Variants in KCNIP1 observed in about 807,000 individuals in gnomAD.
The protein encoded by KCNIP1 is potassium voltage-gated channel interacting protein 1.
In KCNIP1, 18 loss-of-function variants were observed where a neutral mutation model predicts 33.0. The ratio of observed to expected loss-of-function variants is 0.55; its 90% CI spans 0.38 to 0.81. The LOEUF is 0.81. Ranked by LOEUF, KCNIP1 falls within the 30% of genes least tolerant of loss-of-function variation. KCNIP1 has a pLI of 0.00. For synonymous variants in KCNIP1, 93 were observed against 98.3 expected (o/e 0.95, Z 0.32); for missense variants, 238 against 271.6 (o/e 0.88, Z 0.87).
At chr5:170,638,166 C>T (rs1760371940) in intron 1 of KCNIP1, among the ~76,000 whole-genome samples, 1 of 152,116 alleles carries the variant, frequency 6.6e-6, no homozygotes, top group Admixed American at 6.5e-5. Context: ...CCACCTCTGA[C>T]CTTAGCCCAA....
intron 1 of KCNIP1, among the ~76,000 whole-genome samples, chr5:170,681,916 C>G (rs1228206390): frequency 6.6e-6 from 1 of 152,170 alleles, no homozygotes; most frequent in African/African-American, 2.4e-5. Flanking sequence ...TAAAATTAGG[C>G]TCCAGGAAAG....
intron 1 of KCNIP1, among the ~76,000 whole-genome samples, chr5:170,552,023 ATGTG>A (rs35576706): frequency 2.0e-5 from 3 of 148,638 alleles, no homozygotes; most frequent in Non-Finnish European, 4.5e-5. Flanking sequence ...GTGAGAGAGA[ATGTG>A]TGTGTGTGTG....
intron 1 of KCNIP1, among the ~76,000 whole-genome samples, chr5:170,637,724 C>T (rs1019896788): frequency 6.6e-6 from 1 of 152,112 alleles, no homozygotes. Context: ...CTTCCCTGCC[C>T]TCCTGCTCCT....
chr5:170,406,832 C>A (rs760092471), intron 1 of KCNIP1, among the ~76,000 whole-genome samples: 3 of 152,190 alleles, frequency 2.0e-5, no homozygotes, highest in Non-Finnish European at 4.4e-5. Flanking sequence ...GGTCCAAGGC[C>A]AGGCAGGAGG....
intron 1 of KCNIP1, among the ~76,000 whole-genome samples, chr5:170,587,157 C>T (rs1451504670): frequency 6.6e-6 from 1 of 152,150 alleles, no homozygotes; most frequent in South Asian, 2.1e-4. Context: ...TGCAGTGGCT[C>T]ATGCCTGTAA....
At chr5:170,432,267 T>C (rs917237039) in intron 1 of KCNIP1, among the ~76,000 whole-genome samples, 4 of 152,228 alleles carry the variant, frequency 2.6e-5, no homozygotes, top group African/African-American at 9.6e-5. Flanking sequence ...TATCAACCCC[T>C]GCCCCTGCAG....
chr5:170,354,446 C>T (rs574749649), intron 1 of KCNIP1, among the ~76,000 whole-genome samples: 2 of 152,330 alleles, frequency 1.3e-5, no homozygotes, highest in South Asian at 4.1e-4. Context: ...ACCGGATCAG[C>T]TCTGCACCTC....
At chr5:170,598,904 C>CGCGTGTGTGTGTGT (rs1412098474) in intron 1 of KCNIP1, among the ~76,000 whole-genome samples, 1 of 133,776 alleles carries the variant, frequency 7.5e-6, no homozygotes, top group African/African-American at 2.9e-5. Context: ...TGTGTGTGCG[C>CGCGTGTGTGTGTGT]GTGTGTGTGT....
At chr5:170,367,805 A>C (rs1237903028) in intron 1 of KCNIP1, among the ~76,000 whole-genome samples, 1 of 152,178 alleles carries the variant, frequency 6.6e-6, no homozygotes, top group Non-Finnish European at 1.5e-5. Flanking sequence ...TGACTCCTCC[A>C]CACCATTCCA....
intron 1 of KCNIP1, among the ~76,000 whole-genome samples, chr5:170,591,098 A>G (rs114716679): frequency 0.011 from 1,627 of 152,320 alleles, 26 homozygotes; most frequent in African/African-American, 0.037. Flanking sequence ...ATGTGCAGAG[A>G]TGTCAGCTCC....
intron 1 of KCNIP1, among the ~76,000 whole-genome samples, chr5:170,398,999 A>T (rs1703684160): frequency 6.6e-6 from 1 of 152,128 alleles, no homozygotes; most frequent in African/African-American, 2.4e-5. Flanking sequence ...TTTATTGGAA[A>T]CTACTTTGTT....
At chr5:170,512,495 C>G (rs1754974653) in intron 1 of KCNIP1, among the ~76,000 whole-genome samples, 1 of 152,214 alleles carries the variant, frequency 6.6e-6, no homozygotes, top group African/African-American at 2.4e-5. Flanking sequence ...CAAATCCTGG[C>G]TCTGCAACTC....
chr5:170,720,161 A>AG (rs1763769174), intron 2 of KCNIP1, among the ~76,000 whole-genome samples, 160 bp from the exon 3 acceptor site: 1 of 152,150 alleles, frequency 6.6e-6, no homozygotes, highest in South Asian at 2.1e-4. Flanking sequence ...CATTTTGCAA[A>AG]GCAGCTCCAG....
At chr5:170,734,254 GAA>G (rs5873236) in intron 7 of KCNIP1, among the ~76,000 whole-genome samples, 8 of 151,852 alleles carry the variant, frequency 5.3e-5, no homozygotes, top group South Asian at 4.2e-4. Context: ...CAGCTGGGGG[GAA>G]AAAAACCTAC....
chr5:170,676,821 A>C (rs1297441555), intron 1 of KCNIP1, among the ~76,000 whole-genome samples: 2 of 152,212 alleles, frequency 1.3e-5, no homozygotes, highest in African/African-American at 4.8e-5. Context: ...AGAGCAGCAG[A>C]AGTAGCTAGC....
At chr5:170,455,117 T>C (rs2113086524) in intron 1 of KCNIP1, among the ~76,000 whole-genome samples, 1 of 152,290 alleles carries the variant, frequency 6.6e-6, no homozygotes, top group African/African-American at 2.4e-5. Flanking sequence ...AGCTCAGCAA[T>C]ATTTAGAAAC....
intron 1 of KCNIP1, among the ~76,000 whole-genome samples, chr5:170,585,322 G>T (rs1031017855): frequency 4.6e-5 from 7 of 152,094 alleles, no homozygotes; most frequent in Non-Finnish European, 2.9e-5. Flanking sequence ...GATCTGTTTT[G>T]TCCAGGGTCA....
chr5:170,631,557 G>C (rs993158291), intron 1 of KCNIP1, among the ~76,000 whole-genome samples: 5 of 152,238 alleles, frequency 3.3e-5, no homozygotes, highest in African/African-American at 7.2e-5. Flanking sequence ...GAAACACACA[G>C]AATTGTCTCC....
In KCNIP1 at chr5:170,559,463, G is replaced by A. The variant is rs188601283; in HGVS notation, c.61+54830G>A. Among the ~76,000 whole-genome samples the A allele has an allele frequency of 1.7e-3, 266 of 152,204 alleles. 1 individual carries two copies. Among genetic ancestry groups the A allele is most frequent in the Non-Finnish European group, 3.0e-3 (202 of 68,022 alleles). On this transcript the variant is annotated intron_variant, in intron 1 of 7. Coordinates refer to ENST00000328939, the MANE Select transcript of KCNIP1 (RefSeq NM_014592.4). Reference sequence around the variant, plus strand: ...GCCTTTTCTATCTACTACTTGGGATGGGCCCACCCTCCCTTTGTCCTCTAA... The same window carrying A: ...GCCTTTTCTATCTACTACTTGGGATAGGCCCACCCTCCCTTTGTCCTCTAA...
Sources: allele counts gnomAD v4.1 joint callset (sites outside exome capture counted in the v4.1 genomes callset), GRCh38; gene constraint gnomAD v4.1.1; transcripts MANE v1.5; gene names NCBI Gene and HGNC (gene_info 2026-07-23, HGNC 2026-07-21).